RGS7: variants seen among roughly 807,000 people sequenced by gnomAD.
RGS7 encodes regulator of G-protein signaling 7.
RGS7 carries 27 observed loss-of-function variants against 81.1 expected under a neutral mutation model. The observed-to-expected ratio is 0.33, with a 90% confidence interval of 0.25 to 0.46. The LOEUF is 0.46. RGS7 is among the 20% of genes least tolerant of loss of function. The pLI, the probability that RGS7 is intolerant of heterozygous loss-of-function variation, is 1.00. For synonymous variants in RGS7, 208 were observed against 207.7 expected (o/e 1.00, Z -0.01); for missense variants, 396 against 607.4 (o/e 0.65, Z 3.66).
At chr1:240,825,071 G>A (rs537070699) in intron 10 of RGS7, among the ~76,000 whole-genome samples, 3 of 152,202 alleles carry the variant, frequency 2.0e-5, no homozygotes, top group East Asian at 1.9e-4. Flanking sequence ...TTGTTAAGGC[G>A]GCCCCGGCAG....
intron 4 of RGS7, among the ~76,000 whole-genome samples, chr1:240,961,362 G>A (rs529561358): frequency 1.8e-4 from 28 of 152,246 alleles, no homozygotes; most frequent in African/African-American, 6.7e-4. Flanking sequence ...ATGTCATGCA[G>A]GGGTGACAGT....
intron 2 of RGS7, among the ~76,000 whole-genome samples, chr1:241,299,201 A>T (rs149690794): frequency 3.0e-4 from 46 of 152,338 alleles, no homozygotes; most frequent in African/African-American, 1.1e-3. Context: ...AGCCAGTACA[A>T]TTCTGAAAAC....
intron 9 of RGS7, among the ~76,000 whole-genome samples, chr1:240,852,658 T>C (rs1660326395): frequency 6.6e-6 from 1 of 152,192 alleles, no homozygotes; most frequent in Non-Finnish European, 1.5e-5. Context: ...GACAGAGGTA[T>C]TGATTCTCCA....
At chr1:241,323,407 C>T (rs2081318891) in intron 2 of RGS7, among the ~76,000 whole-genome samples, 1 of 152,248 alleles carries the variant, frequency 6.6e-6, no homozygotes, top group Non-Finnish European at 1.5e-5. Context: ...AGGCTTACAA[C>T]TGCAGTCTTC....
At chr1:241,063,381 G>T (rs534630965) in intron 3 of RGS7, among the ~76,000 whole-genome samples, 77 of 152,260 alleles carry the variant, frequency 5.1e-4, no homozygotes, top group Non-Finnish European at 1.0e-3. Flanking sequence ...CTCTAAAAAA[G>T]GCAGTAAATG....
At chr1:241,188,856 A>G (rs1453766350) in intron 2 of RGS7, among the ~76,000 whole-genome samples, 3 of 152,242 alleles carry the variant, frequency 2.0e-5, no homozygotes, top group African/African-American at 7.2e-5. Context: ...AAATTATATG[A>G]GGAAATACAC....
chr1:241,056,974 T>G (rs1163336956), intron 3 of RGS7, among the ~76,000 whole-genome samples: 1 of 152,182 alleles, frequency 6.6e-6, no homozygotes, highest in African/African-American at 2.4e-5. Flanking sequence ...TTGTCCTTCC[T>G]CTCACTTTAT....
intron 2 of RGS7, among the ~76,000 whole-genome samples, chr1:241,146,206 T>G (rs1326199929): frequency 2.0e-5 from 3 of 151,586 alleles, no homozygotes; most frequent in African/African-American, 7.3e-5. Context: ...AGAAGAAAAA[T>G]TAAAATGACA....
chr1:241,204,142 C>T (rs563233489), intron 2 of RGS7, among the ~76,000 whole-genome samples: 6 of 152,256 alleles, frequency 3.9e-5, no homozygotes, highest in African/African-American at 1.4e-4. Context: ...GGGAGGAACA[C>T]AGGTGTGTAT....
chr1:241,197,719 G>C (rs896010620), intron 2 of RGS7, among the ~76,000 whole-genome samples: 5 of 150,588 alleles, frequency 3.3e-5, no homozygotes, highest in African/African-American at 1.2e-4. Context: ...TAAATTATTA[G>C]AAGTAAAAGG....
chr1:240,829,493 C>A, intron 9 of RGS7, among the ~76,000 whole-genome samples: 1 of 152,134 alleles, frequency 6.6e-6, no homozygotes, highest in East Asian at 1.9e-4. Context: ...GTAGGTGTAA[C>A]AAAGACAAGG....
At chr1:241,126,537 G>C (rs1411780297) in intron 2 of RGS7, among the ~76,000 whole-genome samples, 1 of 152,164 alleles carries the variant, frequency 6.6e-6, no homozygotes, top group African/African-American at 2.4e-5. Flanking sequence ...GCGCAGCTCT[G>C]CTACTCTCTA....
At chr1:241,123,985 A>G (rs916405884) in intron 2 of RGS7, among the ~76,000 whole-genome samples, 1 of 152,164 alleles carries the variant, frequency 6.6e-6, no homozygotes. Context: ...TGAACCAAAC[A>G]TACTCAGATA....
chr1:241,112,037 T>C (rs760681745), intron 2 of RGS7, among the ~76,000 whole-genome samples: 1 of 152,012 alleles, frequency 6.6e-6, no homozygotes, highest in Non-Finnish European at 1.5e-5. Flanking sequence ...TTACACACAA[T>C]AGATGCCTCA....
intron 10 of RGS7, among the ~76,000 whole-genome samples, chr1:240,822,333 AAAC>A (rs547748479): frequency 8.5e-5 from 13 of 152,370 alleles, no homozygotes; most frequent in Middle Eastern, 3.4e-3. Flanking sequence ...CTGTATTAAA[AAAC>A]AACAACAACA....
intron 2 of RGS7, among the ~76,000 whole-genome samples, chr1:241,293,818 T>C (rs1410820029): frequency 1.3e-5 from 2 of 152,094 alleles, no homozygotes; most frequent in Non-Finnish European, 2.9e-5. Flanking sequence ...TGTGGAGAAA[T>C]AGGAACACGT....
chr1:241,004,418 C>T (rs2058580240), intron 3 of RGS7, among the ~76,000 whole-genome samples: 1 of 152,086 alleles, frequency 6.6e-6, no homozygotes, highest in Admixed American at 6.6e-5. Flanking sequence ...CCTATTTGAA[C>T]AGTATCTGAA....
intron 6 of RGS7, among the ~76,000 whole-genome samples, chr1:240,923,713 GA>G (rs35315041): frequency 0.32 from 44,919 of 140,036 alleles, 7,985 homozygotes; most frequent in East Asian, 0.5. Context: ...GAATCCAGAT[GA>G]AAAAAAAAAA....
chr1:240,802,271 T>C (rs1474881188), intron 16 of RGS7, among the ~76,000 whole-genome samples: 1 of 152,162 alleles, frequency 6.6e-6, no homozygotes, highest in African/African-American at 2.4e-5. Flanking sequence ...TCTTCCCTGT[T>C]ATATTGATTA....
Sources: allele counts gnomAD v4.1 joint callset (sites outside exome capture counted in the v4.1 genomes callset), GRCh38; gene constraint gnomAD v4.1.1; transcripts MANE v1.5; gene names NCBI Gene and HGNC (gene_info 2026-07-23, HGNC 2026-07-21).